MAP3K20: variants seen among roughly 807,000 people sequenced by gnomAD.
MAP3K20 encodes the protein HCCS-4.
MAP3K20 carries 40 observed loss-of-function variants against 85.7 expected under a neutral mutation model. The observed-to-expected ratio is 0.47, with a 90% CI of 0.36 to 0.61. The LOEUF is 0.61. Ranked by LOEUF, MAP3K20 falls within the 20% of genes least tolerant of loss-of-function variation. MAP3K20 has a pLI of 0.00. For missense variants in MAP3K20, 817 were observed against 961.7 expected, an observed-to-expected ratio of 0.85 and a Z score of 1.99; for synonymous variants, 325 against 327.7, an observed-to-expected ratio of 0.99 and a Z score of 0.09.
At chr2:173,220,676 C>T (rs1006631733) in intron 11 of MAP3K20, among the ~76,000 whole-genome samples, 7 of 152,148 alleles carry the variant, frequency 4.6e-5, no homozygotes, top group Admixed American at 4.6e-4. Context: ...ACTGTATAGA[C>T]TGCTGAACTG....
At chr2:173,103,850 C>A (rs1415473495) in intron 2 of MAP3K20, among the ~76,000 whole-genome samples, 1 of 152,104 alleles carries the variant, frequency 6.6e-6, no homozygotes, top group African/African-American at 2.4e-5. Flanking sequence ...TGGGGAGGTG[C>A]ATACTTGACA....
At chr2:173,096,261 A>G (rs1687456358) in intron 2 of MAP3K20, among the ~76,000 whole-genome samples, 1 of 152,058 alleles carries the variant, frequency 6.6e-6, no homozygotes, top group Admixed American at 6.6e-5. Context: ...CATGACCCAC[A>G]CATTTACTTT....
intron 2 of MAP3K20, among the ~76,000 whole-genome samples, chr2:173,146,509 A>G (rs1361119894): frequency 2.0e-5 from 3 of 152,188 alleles, no homozygotes; most frequent in Non-Finnish European, 4.4e-5. Flanking sequence ...CACTTTTAGA[A>G]TATTTTTATC....
chr2:173,188,247 A>G (rs1690548077), intron 5 of MAP3K20, among the ~76,000 whole-genome samples: 1 of 152,178 alleles, frequency 6.6e-6, no homozygotes, highest in Non-Finnish European at 1.5e-5. Context: ...AATAACTTGC[A>G]GGATTAGACA....
chr2:173,091,930 T>C (rs1687312179), intron 2 of MAP3K20, among the ~76,000 whole-genome samples: 1 of 152,254 alleles, frequency 6.6e-6, no homozygotes, highest in Admixed American at 6.5e-5. Flanking sequence ...GCAGCATTGA[T>C]AACTTCAGCA....
At chr2:173,101,524 G>GT (rs1321133203) in intron 2 of MAP3K20, among the ~76,000 whole-genome samples, 4 of 152,120 alleles carry the variant, frequency 2.6e-5, no homozygotes, top group Non-Finnish European at 5.9e-5. Context: ...ACCAATTAAC[G>GT]TATTTCAGTA....
At chr2:173,076,584 A>C (rs1156777342) in intron 1 of MAP3K20, among the ~76,000 whole-genome samples, 1 of 152,194 alleles carries the variant, frequency 6.6e-6, no homozygotes, top group Non-Finnish European at 1.5e-5. Flanking sequence ...TGTTTTCCTC[A>C]CACAATTAGG....
intron 5 of MAP3K20, among the ~76,000 whole-genome samples, chr2:173,190,530 A>T (rs180846308): frequency 2.6e-5 from 4 of 152,330 alleles, no homozygotes; most frequent in Non-Finnish European, 2.9e-5. Context: ...GGAGGAAACC[A>T]TATATATAAT....
intron 2 of MAP3K20, among the ~76,000 whole-genome samples, chr2:173,124,847 G>A (rs1574035500): frequency 2.6e-5 from 4 of 152,278 alleles, no homozygotes; most frequent in African/African-American, 9.6e-5. Flanking sequence ...AACTGGTTGG[G>A]CATGGTGGCT....
chr2:173,097,245 A>G (rs1316815348), intron 2 of MAP3K20, among the ~76,000 whole-genome samples: 2 of 152,070 alleles, frequency 1.3e-5, no homozygotes, highest in Admixed American at 6.6e-5. Flanking sequence ...AGTTCCAGCT[A>G]CTCGGGAGGC....
At chr2:173,145,943 A>C (rs1017633544) in intron 2 of MAP3K20, among the ~76,000 whole-genome samples, 3 of 152,178 alleles carry the variant, frequency 2.0e-5, no homozygotes, top group African/African-American at 7.2e-5. Context: ...ATATATATAT[A>C]TCTCAAAAAC....
intron 10 of MAP3K20, chr2:173,212,203 G>C (rs922561552): frequency 6.6e-6 from 1 of 152,204 alleles, no homozygotes; most frequent in Non-Finnish European, 1.5e-5. Flanking sequence ...AACTTCTGCT[G>C]GTGTGAGAAC....
intron 4 of MAP3K20, among the ~76,000 whole-genome samples, chr2:173,183,835 G>C (rs1690403550): frequency 6.6e-6 from 1 of 152,148 alleles, no homozygotes; most frequent in African/African-American, 2.4e-5. Flanking sequence ...CACTCAGTAA[G>C]GGGAGCAACT....
At chr2:173,109,688 A>G (rs903920626) in intron 2 of MAP3K20, among the ~76,000 whole-genome samples, 1 of 152,216 alleles carries the variant, frequency 6.6e-6, no homozygotes, top group Admixed American at 6.5e-5. Flanking sequence ...TTTAGAAAAG[A>G]GAGTGTATGG....
At chr2:173,208,383 G>C (rs943580551) in intron 9 of MAP3K20, among the ~76,000 whole-genome samples, 2 of 141,562 alleles carry the variant, frequency 1.4e-5, no homozygotes, top group Non-Finnish European at 3.1e-5. Flanking sequence ...GGGCAACAGA[G>C]CAAGACTCTG....
At chr2:173,211,691 T>C in intron 10 of MAP3K20, 1 of 152,354 alleles carries the variant, frequency 6.6e-6, no homozygotes, top group South Asian at 2.1e-4. Flanking sequence ...CCAAGTCAGG[T>C]GGATCAACGT....
At chr2:173,200,732 G>A (rs1574102612) in intron 8 of MAP3K20, among the ~76,000 whole-genome samples, 2 of 152,144 alleles carry the variant, frequency 1.3e-5, no homozygotes, top group South Asian at 2.1e-4. Flanking sequence ...GGAGGTCAAG[G>A]CTGCCACCAT....
chr2:173,086,138 G>C, intron 1 of MAP3K20, among the ~76,000 whole-genome samples: 1 of 152,006 alleles, frequency 6.6e-6, no homozygotes, highest in East Asian at 1.9e-4. Flanking sequence ...CGTTGGATTT[G>C]ATTTGATATA....
In MAP3K20 at chr2:173,266,576, A is replaced by G; in HGVS notation, c.2229A>G (p.Ile743Met). The G allele has an allele frequency of 3.7e-6, 6 of 1,613,802 alleles. No individual in the cohort carries two copies. The highest frequency in any genetic ancestry group is 4.5e-5 in the East Asian group (2 of 44,852). The change falls in exon 20 of 20, where the codon ATA becomes ATG. Residue 743 changes from isoleucine to methionine, a missense_variant. Ile to Met is a conservative substitution (Grantham distance 10, BLOSUM62 1). Transcript: ENST00000375213. ...GGGACCTCCACCAACCCAACACCATACCAGGGATGCCTTTGCACCCTGAGA... is the reference window on the plus strand; with the variant it reads ...GGGACCTCCACCAACCCAACACCATGCCAGGGATGCCTTTGCACCCTGAGA... ...SPRDLHQPNT[I>M]PGMPLHPETD...
Sources: allele counts gnomAD v4.1 joint callset (sites outside exome capture counted in the v4.1 genomes callset), GRCh38; gene constraint gnomAD v4.1.1; transcripts MANE v1.5; gene names NCBI Gene and HGNC (gene_info 2026-07-23, HGNC 2026-07-21).